Variants in LINGO2 observed in about 807,000 individuals in gnomAD.
LINGO2 encodes leucine rich repeat and Ig domain containing 2.
Under a neutral mutation model 30.6 loss-of-function variants are expected in LINGO2, and 14 were observed. That is an observed-to-expected ratio of 0.46 (90% confidence interval 0.30 to 0.72). The LOEUF is 0.72. Among genes scored for constraint, LINGO2 ranks in the 30% least tolerant of loss-of-function variants. The pLI is 0.07. For synonymous variants in LINGO2, 317 were observed against 288.5 expected (o/e 1.10, Z -1.00); for missense variants, 729 against 751.7 (o/e 0.97, Z 0.35).
chr9:28,443,226 T>G (rs1824270428), intron 2 of LINGO2, among the ~76,000 whole-genome samples: 2 of 152,188 alleles, frequency 1.3e-5, no homozygotes, highest in African/African-American at 2.4e-5. Context: ...AGGGTAACAA[T>G]AACAATAATA....
At chr9:28,852,856 C>G in the LINGO2 span, among the ~76,000 whole-genome samples, 1 of 152,028 alleles carries the variant, frequency 6.6e-6, no homozygotes. Context: ...CCTTCTCAGC[C>G]TAACAAGTAA....
At chr9:28,414,022 T>C (rs1446071089) in intron 2 of LINGO2, among the ~76,000 whole-genome samples, 1 of 152,052 alleles carries the variant, frequency 6.6e-6, no homozygotes, top group East Asian at 1.9e-4. Flanking sequence ...CTATGACATA[T>C]ATTTGCACTG....
At chr9:28,324,412 C>T (rs377033163) in intron 3 of LINGO2, among the ~76,000 whole-genome samples, 20 of 152,070 alleles carry the variant, frequency 1.3e-4, no homozygotes, top group African/African-American at 4.6e-4. Context: ...TAAAATGGGG[C>T]TGAAACCTAC....
chr9:28,845,255 T>C, the LINGO2 span, among the ~76,000 whole-genome samples: 4 of 151,876 alleles, frequency 2.6e-5, no homozygotes, highest in African/African-American at 9.7e-5. Context: ...ACAGTTATTG[T>C]TATAATAGAA....
intron 3 of LINGO2, among the ~76,000 whole-genome samples, chr9:28,305,441 A>T (rs2134226986): frequency 6.6e-6 from 1 of 152,156 alleles, no homozygotes; most frequent in South Asian, 2.1e-4. Flanking sequence ...TTATTTGCAG[A>T]TGATTGTCTA....
At chr9:28,752,800 G>A in the LINGO2 span, among the ~76,000 whole-genome samples, 1 of 152,002 alleles carries the variant, frequency 6.6e-6, no homozygotes, top group Admixed American at 6.6e-5. Flanking sequence ...AAAAAGTGAT[G>A]ACACAGGAGT....
At chr9:28,255,557 C>T (rs1404540937) in intron 4 of LINGO2, among the ~76,000 whole-genome samples, 1 of 152,062 alleles carries the variant, frequency 6.6e-6, no homozygotes, top group Admixed American at 6.6e-5. Context: ...GTGTCTAGCA[C>T]TTGTAATGCA....
chr9:29,108,949 T>C, the LINGO2 span, among the ~76,000 whole-genome samples: 30 of 152,324 alleles, frequency 2.0e-4, no homozygotes, highest in South Asian at 6.2e-3. Context: ...CTAACTTCTT[T>C]TCTATCCTTG....
intron 1 of LINGO2, among the ~76,000 whole-genome samples, chr9:28,634,683 A>G (rs1349696521): frequency 6.6e-6 from 1 of 151,804 alleles, no homozygotes; most frequent in African/African-American, 2.4e-5. Flanking sequence ...ACGGGGTTCC[A>G]TCATTTTGGC....
intron 1 of LINGO2, among the ~76,000 whole-genome samples, chr9:28,541,062 G>C (rs1433598778): frequency 6.6e-6 from 1 of 152,028 alleles, no homozygotes; most frequent in African/African-American, 2.4e-5. Flanking sequence ...AAAACAGAAA[G>C]GAACAATAGA....
intron 1 of LINGO2, among the ~76,000 whole-genome samples, chr9:28,549,308 TTTTAG>T (rs763072450): frequency 1.4e-4 from 22 of 152,190 alleles, no homozygotes; most frequent in Non-Finnish European, 2.4e-4. Context: ...ATGAACGCAG[TTTTAG>T]TTCATTAATT....
intron 5 of LINGO2, among the ~76,000 whole-genome samples, chr9:28,002,732 A>G (rs1822023731): frequency 6.6e-6 from 1 of 151,994 alleles, no homozygotes; most frequent in Non-Finnish European, 1.5e-5. Context: ...CATTGATGAG[A>G]AAAAAAATCG....
At chr9:29,019,015 A>G in the LINGO2 span, among the ~76,000 whole-genome samples, 2 of 152,116 alleles carry the variant, frequency 1.3e-5, no homozygotes, top group African/African-American at 4.8e-5. Context: ...AGACTAGGTG[A>G]CCTATAAACG....
the LINGO2 span, among the ~76,000 whole-genome samples, chr9:28,785,254 C>T: frequency 4.7e-4 from 72 of 152,214 alleles, no homozygotes; most frequent in African/African-American, 1.7e-3. Context: ...GCAATGTAAA[C>T]ATTTTAGATA....
chr9:28,403,897 T>C (rs890742683), intron 2 of LINGO2, among the ~76,000 whole-genome samples: 1 of 152,116 alleles, frequency 6.6e-6, no homozygotes, highest in African/African-American at 2.4e-5. Context: ...TGGAATTAAA[T>C]CCTTTTTTTG....
intron 4 of LINGO2, among the ~76,000 whole-genome samples, chr9:28,242,806 A>G (rs1464419127): frequency 4.6e-5 from 7 of 152,190 alleles, no homozygotes; most frequent in Non-Finnish European, 1.0e-4. Flanking sequence ...AGAAGAGAGT[A>G]GGGGCCAATA....
intron 1 of LINGO2, among the ~76,000 whole-genome samples, chr9:28,636,492 C>T (rs1292422281): frequency 6.6e-6 from 1 of 152,086 alleles, no homozygotes. Flanking sequence ...CCTGTTGTTG[C>T]CTGACTTTTT....
At chr9:28,204,225 C>G (rs1820334323) in intron 4 of LINGO2, among the ~76,000 whole-genome samples, 1 of 152,068 alleles carries the variant, frequency 6.6e-6, no homozygotes, top group Non-Finnish European at 1.5e-5. Flanking sequence ...TATAGTTGTA[C>G]ATATACATAC....
the LINGO2 span, among the ~76,000 whole-genome samples, chr9:28,762,497 TC>T: frequency 6.6e-6 from 1 of 151,954 alleles, no homozygotes; most frequent in African/African-American, 2.4e-5. Flanking sequence ...TAATAGTCCC[TC>T]CCCCAAACTA....
Sources: allele counts gnomAD v4.1 joint callset (sites outside exome capture counted in the v4.1 genomes callset), GRCh38; gene constraint gnomAD v4.1.1; transcripts MANE v1.5; gene names NCBI Gene and HGNC (gene_info 2026-07-23, HGNC 2026-07-21).